Variants in PARD3 observed in about 807,000 individuals in gnomAD.
PARD3 encodes the protein partitioning defective 3 homolog.
Under a neutral mutation model 155.4 loss-of-function variants are expected in PARD3, and 75 were observed. The ratio of observed to expected loss-of-function variants is 0.48; its 90% CI spans 0.40 to 0.58. PARD3 has a LOEUF of 0.58. Among genes scored for constraint, PARD3 ranks in the 20% least tolerant of loss-of-function variants. The pLI is 0.00. For missense variants in PARD3, 1,642 were observed against 1,721.7 expected (o/e 0.95, Z 0.82); for synonymous variants, 576 against 610.5 (o/e 0.94, Z 0.83).
chr10:34,120,004 ATTTTTTTTTTTTTTTTT>A (rs1185067110), intron 23 of PARD3, among the ~76,000 whole-genome samples: 1 of 73,794 alleles, frequency 1.4e-5, no homozygotes, highest in African/African-American at 5.9e-5. Flanking sequence ...GTCTTCTTTA[ATTTTTTTTTTTTTTTTT>A]TTTTTTTTTT....
chr10:34,133,755 G>A (rs1188471355), intron 22 of PARD3, among the ~76,000 whole-genome samples: 7 of 152,086 alleles, frequency 4.6e-5, no homozygotes, highest in Non-Finnish European at 8.8e-5. Flanking sequence ...GAATCTCAAA[G>A]GTTTAAGCAT....
chr10:34,521,848 A>G (rs2082167578), intron 2 of PARD3, among the ~76,000 whole-genome samples: 1 of 152,232 alleles, frequency 6.6e-6, no homozygotes, highest in South Asian at 2.1e-4. Context: ...TGCATGTAGC[A>G]AAGTGGCTAA....
intron 2 of PARD3, 87 bp downstream of exon 2, chr10:34,696,231 A>C (rs2094169645): frequency 2.7e-6 from 2 of 742,278 alleles, no homozygotes; most frequent in Middle Eastern, 2.4e-4. Context: ...ATGTGTCTAA[A>C]ACAGAAAGGA....
intron 7 of PARD3, among the ~76,000 whole-genome samples, chr10:34,395,069 C>T (rs1294447474): frequency 1.3e-5 from 2 of 152,164 alleles, no homozygotes; most frequent in African/African-American, 4.8e-5. Flanking sequence ...GAGTCTCACT[C>T]TGTCACCTAG....
chr10:34,684,910 CAG>C, intron 2 of PARD3, among the ~76,000 whole-genome samples: 1 of 147,214 alleles, frequency 6.8e-6, no homozygotes, highest in African/African-American at 2.5e-5. Flanking sequence ...CACACACACA[CAG>C]AGTATAGTAG....
chr10:34,794,510 T>C (rs1281463293), intron 1 of PARD3, among the ~76,000 whole-genome samples: 1 of 152,252 alleles, frequency 6.6e-6, no homozygotes, highest in Non-Finnish European at 1.5e-5. Context: ...AACTGCCTTC[T>C]GAACACTGTT....
At position 34,110,770 on chromosome 10, in the gene PARD3, T is replaced by A. The variant is rs1039019287; in HGVS notation, c.*399A>T. The stretch of plus-strand genomic sequence containing the variant: ...CACCAGAGACTAAGATGTCATCCCA[T>A]AGCTAAGAGAACTTAGAGGGAGAAA... On this transcript the variant is annotated 3_prime_UTR_variant, in exon 25 of 25. Coordinates refer to ENST00000374788, the MANE Select transcript of PARD3 (RefSeq NM_001184785.2). 6.3e-6 allele frequency: 1 copy of A among 157,676 alleles called. No individual in the cohort carries two copies. The highest frequency in any genetic ancestry group is 2.4e-5 in the African/African-American group (1 of 41,600). 9.8% of individuals were successfully genotyped at this position (157,676 alleles called of 1,614,324 possible). A position where few individuals can be genotyped will look rare whatever the true frequency, so the allele number is the denominator to read the frequency against.
At chr10:34,538,034 C>A (rs941838906) in intron 2 of PARD3, among the ~76,000 whole-genome samples, 7 of 152,214 alleles carry the variant, frequency 4.6e-5, no homozygotes, top group Non-Finnish European at 8.8e-5. Context: ...TGTGACACTT[C>A]ATCCTAAGTG....
chr10:34,748,687 C>T (rs1835616734), intron 1 of PARD3, among the ~76,000 whole-genome samples: 1 of 152,076 alleles, frequency 6.6e-6, no homozygotes, highest in Non-Finnish European at 1.5e-5. Context: ...AAGCCTGGCT[C>T]ACCTCCTCCG....
chr10:34,211,288 C>A lies in PARD3; in HGVS notation c.3419+58369G>T, dbSNP rs933914973. Among the ~76,000 whole-genome samples the A allele has an allele frequency of 2.6e-5, 4 of 152,262 alleles. No individual in the cohort carries two copies. In the South Asian group the frequency reaches 8.3e-4, roughly 32 times the overall value. ...TTGGGCCCAGTTCTGGCCCGTGTGA[C>A]CCCAAGCCCTGGTAGGCCCTTGCCT... On this transcript the variant is annotated intron_variant, in intron 22 of 24. Transcript: ENST00000374788.
At chr10:34,268,858 C>T (rs1955471913) in intron 22 of PARD3, among the ~76,000 whole-genome samples, 1 of 152,110 alleles carries the variant, frequency 6.6e-6, no homozygotes, top group Non-Finnish European at 1.5e-5. Context: ...AGCACGCCAA[C>T]ATGGCACATG....
intron 3 of PARD3, among the ~76,000 whole-genome samples, chr10:34,503,997 A>G (rs2080880103): frequency 6.6e-6 from 1 of 152,238 alleles, no homozygotes; most frequent in Non-Finnish European, 1.5e-5. Context: ...AGCAGGGATC[A>G]GTTCTGAGAC....
intron 11 of PARD3, 69 bp from the exon 12 acceptor site, chr10:34,372,605 GATTT>G: frequency 9.1e-7 from 1 of 1,098,852 alleles, no homozygotes; most frequent in Non-Finnish European, 1.4e-6. Flanking sequence ...GGGACACAAT[GATTT>G]ATTTTAAAGA....
chr10:34,206,007 A>G (rs563779889), intron 22 of PARD3, among the ~76,000 whole-genome samples: 6 of 152,308 alleles, frequency 3.9e-5, no homozygotes, highest in African/African-American at 1.4e-4. Flanking sequence ...CTGCCTCACT[A>G]CTAGATCGAG....
chr10:34,300,297 G>T (rs1197173921), intron 20 of PARD3, among the ~76,000 whole-genome samples: 1 of 152,122 alleles, frequency 6.6e-6, no homozygotes, highest in East Asian at 1.9e-4. Context: ...GTACATAGTG[G>T]GGGCTCCTGA....
intron 22 of PARD3, among the ~76,000 whole-genome samples, chr10:34,176,977 A>G (rs1326084258): frequency 4.1e-5 from 6 of 147,896 alleles, no homozygotes; most frequent in African/African-American, 1.3e-4. Context: ...GTGTCAGGGT[A>G]TGTGTGTGTG....
rs1245927001 is a variant in PARD3, at chr10:34,227,852, TTTTTTA to T, written c.3419+41799_3419+41804del. On this transcript the variant is annotated intron_variant, in intron 22 of 24. Transcript: ENST00000374788. ...TATATATTCCCAGTAATGGGAATTATTTTTTATATATATATATATATATATATATAT... is the reference window on the plus strand; with the variant it reads ...TATATATTCCCAGTAATGGGAATTATTATATATATATATATATATATATAT... 7.5e-3 allele frequency among the ~76,000 whole-genome samples: 234 copies of T among 31,392 alleles called. 16 individuals carry two copies. Among genetic ancestry groups the T allele is most frequent in the African/African-American group, 0.027 (221 of 8,174 alleles). 20.6% of individuals were successfully genotyped at this position (31,392 alleles called of 152,430 possible).
intron 22 of PARD3, among the ~76,000 whole-genome samples, chr10:34,264,457 A>T (rs1228286764): frequency 6.6e-6 from 1 of 152,232 alleles, no homozygotes; most frequent in Non-Finnish European, 1.5e-5. Context: ...TAACTTAAAC[A>T]CGTAACAAAT....
At chr10:34,688,786 G>A (rs1353926146) in intron 2 of PARD3, among the ~76,000 whole-genome samples, 1 of 152,060 alleles carries the variant, frequency 6.6e-6, no homozygotes, top group Non-Finnish European at 1.5e-5. Flanking sequence ...GGAAAATTAG[G>A]GGTAATTTAG....
Sources: allele counts gnomAD v4.1 joint callset (sites outside exome capture counted in the v4.1 genomes callset), GRCh38; gene constraint gnomAD v4.1.1; transcripts MANE v1.5; gene names NCBI Gene and HGNC (gene_info 2026-07-23, HGNC 2026-07-21).